ARID4B: variants seen among roughly 807,000 people sequenced by gnomAD.
ARID4B encodes AT-rich interactive domain-containing protein 4B.
Under a neutral mutation model 147.5 loss-of-function variants are expected in ARID4B, and 26 were observed. That is an observed-to-expected ratio of 0.18 (90% CI 0.13 to 0.24). The LOEUF (loss-of-function observed/expected upper bound fraction) is 0.24, where lower values mean the gene tolerates loss of function less well. ARID4B is among the 10% of genes least tolerant of loss of function. ARID4B has a pLI of 1.00. For missense variants in ARID4B, 1,179 were observed against 1,511.5 expected (o/e 0.78, Z 3.65); for synonymous variants, 512 against 507.9 (o/e 1.01, Z -0.11).
intron 10 of ARID4B, among the ~76,000 whole-genome samples, chr1:235,229,694 A>AC (rs1258805687): frequency 6.6e-6 from 1 of 152,218 alleles, no homozygotes; most frequent in East Asian, 1.9e-4. Flanking sequence ...ACTAGTAAAA[A>AC]CCTTTAATAC....
chr1:235,267,138 C>G (rs1422345619), intron 2 of ARID4B, among the ~76,000 whole-genome samples: 1 of 152,036 alleles, frequency 6.6e-6, no homozygotes, highest in Non-Finnish European at 1.5e-5. Flanking sequence ...ATTAGCCAGG[C>G]ATAGTGGCAT....
chr1:235,249,723 C>G (rs913713994), intron 6 of ARID4B, among the ~76,000 whole-genome samples: 3 of 151,478 alleles, frequency 2.0e-5, no homozygotes, highest in African/African-American at 7.3e-5. Flanking sequence ...GGGCGTATCA[C>G]GAGGTCAAGA....
At chr1:235,262,153 T>G (rs1336577645) in intron 2 of ARID4B, among the ~76,000 whole-genome samples, 2 of 148,358 alleles carry the variant, frequency 1.3e-5, no homozygotes, top group African/African-American at 5.1e-5. Context: ...TAATAAATAA[T>G]GAAAGAATAA....
At chr1:235,302,360 A>C (rs1190167347) in intron 2 of ARID4B, among the ~76,000 whole-genome samples, 2 of 149,982 alleles carry the variant, frequency 1.3e-5, no homozygotes, top group East Asian at 3.9e-4. Flanking sequence ...GAGGGAAAGG[A>C]GTGGGGACAG....
intron 22 of ARID4B, among the ~76,000 whole-genome samples, chr1:235,173,756 AAAAAAAAAAAAAAAAATAT>A (rs1453819816): frequency 2.2e-5 from 1 of 44,684 alleles, no homozygotes; most frequent in Non-Finnish European, 3.7e-5. Context: ...AAAAAAAAAA[AAAAAAAAAAAAAAAAATAT>A]ATATATATAT....
intron 16 of ARID4B, among the ~76,000 whole-genome samples, chr1:235,214,376 T>C (rs1460808890): frequency 6.6e-6 from 1 of 152,178 alleles, no homozygotes; most frequent in African/African-American, 2.4e-5. Context: ...ACATCTCAAT[T>C]GACAAAAAAA....
intron 5 of ARID4B, among the ~76,000 whole-genome samples, chr1:235,254,957 A>G (rs1459328995): frequency 6.6e-6 from 1 of 151,980 alleles, no homozygotes; most frequent in Non-Finnish European, 1.5e-5. Flanking sequence ...GAAAACAGAC[A>G]GTGTCTTTTA....
intron 2 of ARID4B, among the ~76,000 whole-genome samples, chr1:235,298,534 T>A (rs1405992011): frequency 6.7e-6 from 1 of 148,402 alleles, no homozygotes; most frequent in Admixed American, 6.8e-5. Flanking sequence ...TTTATATATA[T>A]CCATATATAT....
intron 17 of ARID4B, among the ~76,000 whole-genome samples, chr1:235,210,731 C>T (rs16832468): frequency 0.13 from 19,971 of 152,082 alleles, 1,522 homozygotes; most frequent in African/African-American, 0.2. Context: ...CTTGAGTTCT[C>T]AGAAATAGAT....
At chr1:235,172,139 T>G (rs978898055) in intron 23 of ARID4B, among the ~76,000 whole-genome samples, 8 of 152,220 alleles carry the variant, frequency 5.3e-5, no homozygotes, top group African/African-American at 1.9e-4. Flanking sequence ...AATATTATGA[T>G]CTGAAATAAT....
In ARID4B at chr1:235,182,536, A is replaced by T. The variant is rs781028060; in HGVS notation, c.2383T>A (p.Tyr795Asn). The part of the protein sequence containing the change: ...DIEVLSEDTD[Y>N]EEDEVTKKRK... ...TTTTTTGTGACTTCATCTTCTTCATAATCAGTATCTTCGGATAATACTTCT... is the reference window on the plus strand; with the variant it reads ...TTTTTTGTGACTTCATCTTCTTCATTATCAGTATCTTCGGATAATACTTCT... The change falls in exon 20 of 24, where the codon TAT (tyrosine) becomes AAT (asparagine). Residue 795 changes from tyrosine to asparagine, a missense_variant. Physicochemically the swap from Tyr to Asn is moderately radical, Grantham distance 143. This residue lies in a region of ARID4B where 321 missense variants were observed against 342.4 expected (regional missense o/e 0.94). Transcript: ENST00000264183. 2 of 1,613,020 alleles carry T rather than the reference A, an allele frequency of 1.2e-6. No homozygotes were observed. Among genetic ancestry groups the T allele is most frequent in the Non-Finnish European group, 1.7e-6 (2 of 1,179,828 alleles).
In ARID4B at chr1:235,175,323, A is replaced by G; in HGVS notation, c.3525T>C (p.Thr1175=). ...ATTTGGTACTATGAGACTTCATTCC[A>G]GTGGAAACTGATTTGACTGGCTGAC... The part of the protein sequence containing the change: ...TKSQPVKSVS[T]GMKSHSTKSP... Residue 1175 remains threonine, a synonymous_variant, in exon 22 of 24, where the codon ACT becomes ACC. Coordinates refer to ENST00000264183, the MANE Select transcript of ARID4B (RefSeq NM_016374.6). 1.9e-6 allele frequency: 3 copies of G among 1,614,128 alleles called. No individual in the cohort carries two copies. The South Asian group carries it at 3.3e-5, about 18-fold the overall frequency.
intron 17 of ARID4B, among the ~76,000 whole-genome samples, chr1:235,196,473 A>T (rs1440277637): frequency 6.6e-6 from 1 of 152,174 alleles, no homozygotes; most frequent in Non-Finnish European, 1.5e-5. Context: ...TTTCATTCTT[A>T]AGCAGCAGGT....
In ARID4B at chr1:235,219,938, G is replaced by T. The variant is rs1334558551; in HGVS notation, c.1438C>A (p.Pro480Thr). ...GSKKNLLESI[P>T]THSDQEKEVN... ...TCTTTTTCCTGATCAGAATGTGTAGGTATAGATTCTAATAAATTCTTTTTA... is the reference window on the plus strand; with the variant it reads ...TCTTTTTCCTGATCAGAATGTGTAGTTATAGATTCTAATAAATTCTTTTTA... Residue 480 changes from proline to threonine, a missense_variant, in exon 16 of 24, where the codon CCT (proline) becomes ACT (threonine). Transcript: ENST00000264183. 9 of 1,554,356 alleles carry T rather than the reference G, an allele frequency of 5.8e-6. No individual in the cohort carries two copies. Among genetic ancestry groups the T allele is most frequent in the Non-Finnish European group, 7.8e-6 (9 of 1,151,920 alleles).
In ARID4B at chr1:235,182,001, G is replaced by T. The variant is rs1303532602; in HGVS notation, c.2918C>A (p.Ala973Asp). The change falls in exon 20 of 24, where the codon GCT becomes GAT. Residue 973 changes from alanine to aspartate, a missense_variant. Ala to Asp is a moderately radical substitution (Grantham distance 126). Around this residue, in one of 10 missense-constraint regions of ARID4B, gnomAD observed 357 missense variants for 427.3 expected, o/e 0.84. Transcript: ENST00000264183. ...GVAEESLQTVAEEESCSPSVE... is the reference protein window; with the variant it reads ...GVAEESLQTVDEEESCSPSVE... The stretch of plus-strand genomic sequence containing the variant: ...ACTGGGTGAACAACTCTCCTCTTCA[G>T]CCACAGTCTGCAGTGACTCCTCTGC... 7.4e-6 allele frequency: 12 copies of T among 1,614,016 alleles called. No homozygotes were observed. Among genetic ancestry groups the T allele is most frequent in the Non-Finnish European group, 1.0e-5 (12 of 1,180,044 alleles).
At chr1:235,176,396 A>AT (rs1475413200) in intron 21 of ARID4B, among the ~76,000 whole-genome samples, 2 of 124,168 alleles carry the variant, frequency 1.6e-5, no homozygotes, top group East Asian at 5.6e-4. Flanking sequence ...TGACTGACTG[A>AT]TTTGGCATAT....
chr1:235,290,120 A>G (rs534635213), intron 2 of ARID4B, among the ~76,000 whole-genome samples: 1 of 152,194 alleles, frequency 6.6e-6, no homozygotes, highest in East Asian at 1.9e-4. Context: ...ACGGCAGGTA[A>G]GTTATGGGAA....
chr1:235,290,563 G>A (rs949991784), intron 2 of ARID4B, among the ~76,000 whole-genome samples: 2 of 152,032 alleles, frequency 1.3e-5, no homozygotes, highest in Admixed American at 1.3e-4. Context: ...GTTTGTAAAA[G>A]CAAAAGGTCA....
intron 2 of ARID4B, among the ~76,000 whole-genome samples, chr1:235,265,721 G>A (rs979743872): frequency 4.0e-5 from 6 of 151,674 alleles, no homozygotes; most frequent in Admixed American, 1.3e-4. Flanking sequence ...AGAAAAAAAA[G>A]GGTATATGTT....
Sources: allele counts gnomAD v4.1 joint callset (sites outside exome capture counted in the v4.1 genomes callset), GRCh38; gene constraint gnomAD v4.1.1; regional missense constraint gnomAD v4.1.1; transcripts MANE v1.5; gene names NCBI Gene and HGNC (gene_info 2026-07-23, HGNC 2026-07-21).